Variants in TENM1 observed in about 807,000 individuals in gnomAD.
The protein encoded by TENM1 is teneurin transmembrane protein 1.
In TENM1, 35 loss-of-function variants were observed where a neutral mutation model predicts 174.8. The ratio of observed to expected loss-of-function variants is 0.20; its 90% CI spans 0.15 to 0.27. TENM1 has a LOEUF of 0.27. TENM1 is among the 10% of genes least tolerant of loss of function. The pLI is 1.00. For missense variants in TENM1, 1,633 were observed against 2,130.1 expected (o/e 0.77, Z 4.59); for synonymous variants, 781 against 798.7 (o/e 0.98, Z 0.37).
chrX:125,039,556 TA>T, the TENM1 span, among the ~76,000 whole-genome samples: 2 of 110,398 alleles, frequency 1.8e-5, no homozygotes, highest in African/African-American at 6.6e-5. Context: ...TCTAATGAAT[TA>T]AAAAAAAGAC....
At chrX:124,888,714 C>T (rs963250435) in intron 3 of TENM1, among the ~76,000 whole-genome samples, 2 of 111,604 alleles carry the variant, frequency 1.8e-5, no homozygotes, top group African/African-American at 3.3e-5. Context: ...TCCCATAATA[C>T]GTGCATAATA....
At chrX:124,668,435 A>T (rs1024222281) in intron 6 of TENM1, among the ~76,000 whole-genome samples, 1 of 112,270 alleles carries the variant, frequency 8.9e-6, no homozygotes, top group Admixed American at 9.4e-5. Context: ...AATAGCGAAG[A>T]CTTGGAACCA....
chrX:124,454,036 A>T lies in TENM1; in HGVS notation c.3950-545T>A, dbSNP rs1438095752. On this transcript the variant is annotated intron_variant, in intron 22 of 31. Transcript: ENST00000422452. Reference sequence around the variant, plus strand: ...AAGGGGAGTTGGCGAGCAAAATTATAGTATCACAAAGGGAATGGCTAAGTT... The same window carrying T: ...AAGGGGAGTTGGCGAGCAAAATTATTGTATCACAAAGGGAATGGCTAAGTT... Among the ~76,000 whole-genome samples the T allele has an allele frequency of 2.7e-5, 3 of 111,825 alleles. No homozygotes were observed. The East Asian group carries it at 8.3e-4, about 31-fold the overall frequency.
the TENM1 span, among the ~76,000 whole-genome samples, chrX:125,163,485 C>G: frequency 7.4e-4 from 82 of 110,941 alleles, no homozygotes; most frequent in Middle Eastern, 4.7e-3. Flanking sequence ...AGTTCATGTT[C>G]CTTCAGGTAA....
At chrX:125,132,902 A>C in the TENM1 span, among the ~76,000 whole-genome samples, 1 of 112,183 alleles carries the variant, frequency 8.9e-6, no homozygotes, top group Non-Finnish European at 1.9e-5. Context: ...ATACACACTC[A>C]TAACATTATT....
At chrX:124,476,859 A>G (rs2046736777) in intron 22 of TENM1, among the ~76,000 whole-genome samples, 1 of 112,835 alleles carries the variant, frequency 8.9e-6, no homozygotes, top group Non-Finnish European at 1.9e-5. Context: ...TTTTAAAAGC[A>G]TCTTTCAAAG....
chrX:124,804,284 T>G (rs1370461008), intron 3 of TENM1, among the ~76,000 whole-genome samples: 1 of 112,159 alleles, frequency 8.9e-6, no homozygotes, highest in East Asian at 2.8e-4. Context: ...AGCTTTATGA[T>G]TCAAAGAGGA....
intron 23 of TENM1, among the ~76,000 whole-genome samples, chrX:124,446,310 A>T (rs1046250672): frequency 2.6e-4 from 29 of 112,534 alleles, no homozygotes; most frequent in Admixed American, 2.1e-3. Flanking sequence ...CCCTCCGACT[A>T]ACAGTTTTCT....
At chrX:124,646,948 A>AT (rs1404811443) in intron 8 of TENM1, 138 bp from the exon 12 acceptor site, 1 of 428,817 alleles carries the variant, frequency 2.3e-6, no homozygotes, top group Non-Finnish European at 4.0e-6. Flanking sequence ...ACTGCTCAAA[A>AT]TCACATACAA....
chrX:125,116,138 G>C, the TENM1 span, among the ~76,000 whole-genome samples: 1 of 111,901 alleles, frequency 8.9e-6, no homozygotes. Flanking sequence ...AAAGCAATGA[G>C]GAAAGGATTC....
upstream of TENM1, among the ~76,000 whole-genome samples, chrX:124,968,798 G>C (rs777056047): frequency 3.5e-4 from 39 of 112,118 alleles, no homozygotes; most frequent in African/African-American, 1.3e-3. Context: ...TGTGTGCCTA[G>C]AGTTGTGAAA....
the TENM1 span, among the ~76,000 whole-genome samples, chrX:125,008,880 G>A: frequency 2.7e-5 from 3 of 111,303 alleles, no homozygotes; most frequent in South Asian, 3.8e-4. Context: ...CACAGCTAAC[G>A]CAGTGTTAAG....
chrX:124,445,459 A>T (rs1484975316), intron 23 of TENM1, among the ~76,000 whole-genome samples: 2 of 112,278 alleles, frequency 1.8e-5, no homozygotes, highest in Non-Finnish European at 3.8e-5. Context: ...GATGTAATAT[A>T]TGAGGACAAA....
intron 3 of TENM1, among the ~76,000 whole-genome samples, chrX:124,750,504 C>T (rs1384244618): frequency 9.0e-6 from 1 of 111,489 alleles, no homozygotes; most frequent in Non-Finnish European, 1.9e-5. Context: ...ATTTTTGGCC[C>T]TCTAGTCTCT....
At chrX:125,163,580 T>A in the TENM1 span, among the ~76,000 whole-genome samples, 1 of 111,251 alleles carries the variant, frequency 9.0e-6, no homozygotes. Flanking sequence ...AGCCTGATAC[T>A]AACTCTTCGG....
intron 3 of TENM1, among the ~76,000 whole-genome samples, chrX:124,799,753 C>T (rs1380499368): frequency 9.0e-6 from 1 of 111,140 alleles, no homozygotes; most frequent in African/African-American, 3.3e-5. Context: ...ATAAGTAGCT[C>T]TTATAATTTT....
intron 22 of TENM1, among the ~76,000 whole-genome samples, chrX:124,475,024 A>G (rs1356161724): frequency 1.8e-5 from 2 of 111,812 alleles, no homozygotes; most frequent in Non-Finnish European, 3.8e-5. Flanking sequence ...TAAAATTCTC[A>G]TAAGAAATGT....
intron 11 of TENM1, among the ~76,000 whole-genome samples, chrX:124,587,075 G>C (rs1329207387): frequency 2.8e-5 from 3 of 108,092 alleles, no homozygotes; most frequent in Non-Finnish European, 5.8e-5. Context: ...CATGCTCATG[G>C]GTAGGAAGAA....
intron 4 of TENM1, among the ~76,000 whole-genome samples, chrX:124,719,705 G>A (rs1244484603): frequency 2.7e-5 from 3 of 111,719 alleles, no homozygotes; most frequent in African/African-American, 9.8e-5. Context: ...GGACAGCACA[G>A]AGAGATAAAC....
Sources: allele counts gnomAD v4.1 joint callset (sites outside exome capture counted in the v4.1 genomes callset), GRCh38; gene constraint gnomAD v4.1.1; transcripts MANE v1.5; gene names NCBI Gene and HGNC (gene_info 2026-07-23, HGNC 2026-07-21).